Variants in BTRC observed in about 807,000 individuals in gnomAD.
BTRC encodes beta-transducin repeat containing E3 ubiquitin protein ligase, also known as F-box/WD repeat-containing protein 1A.
In BTRC, 42 loss-of-function variants were observed where a neutral mutation model predicts 85.5. The observed-to-expected ratio is 0.49, with a 90% CI of 0.38 to 0.64. The LOEUF is 0.64. Ranked by LOEUF, BTRC falls within the 30% of genes least tolerant of loss-of-function variation. The pLI is 0.00. For synonymous variants in BTRC, 255 were observed against 263.3 expected (o/e 0.97, Z 0.30); for missense variants, 594 against 743.5 (o/e 0.80, Z 2.34).
At chr10:101,356,790 G>A (rs1045126848) in intron 1 of BTRC, among the ~76,000 whole-genome samples, 1 of 152,096 alleles carries the variant, frequency 6.6e-6, no homozygotes, top group African/African-American at 2.4e-5. Context: ...TCCCTTTGGT[G>A]CCATTTACCC....
chr10:101,458,321 T>C (rs942559087), intron 2 of BTRC, among the ~76,000 whole-genome samples: 1 of 152,184 alleles, frequency 6.6e-6, no homozygotes, highest in African/African-American at 2.4e-5. Flanking sequence ...GCACAAATTA[T>C]TGAGCCAACA....
chr10:101,357,322 TC>T (rs1942066023), intron 1 of BTRC, among the ~76,000 whole-genome samples: 1 of 149,714 alleles, frequency 6.7e-6, no homozygotes, highest in South Asian at 2.1e-4. Flanking sequence ...GCACCTGTAG[TC>T]CCAGCTACTC....
chr10:101,556,944 C>G lies in BTRC; in HGVS notation c.*3821C>G, dbSNP rs569799336. The stretch of plus-strand genomic sequence containing the variant: ...TGTTACCTCCCCTCCTAACCCTTCC[C>G]CTTCTTGGACACTGAAGGAAAAGGC... On this transcript the variant is annotated 3_prime_UTR_variant, in exon 15 of 15. Coordinates refer to ENST00000370187, the MANE Select transcript of BTRC (RefSeq NM_033637.4). 3.3e-5 allele frequency: 5 copies of G among 152,230 alleles called. No individual in the cohort carries two copies. The highest frequency in any genetic ancestry group is 1.2e-4 in the African/African-American group (5 of 41,444). 9.4% of individuals were successfully genotyped at this position (152,230 alleles called of 1,614,324 possible). A position where few individuals can be genotyped will look rare whatever the true frequency, so the allele number is the denominator to read the frequency against.
chr10:101,379,675 A>G (rs996459952), intron 1 of BTRC, among the ~76,000 whole-genome samples: 3 of 151,960 alleles, frequency 2.0e-5, no homozygotes, highest in South Asian at 2.1e-4. Context: ...TTAAAGTGGC[A>G]CTCGTTTTTT....
chr10:101,521,754 C>T lies in BTRC; in HGVS notation c.440C>T (p.Ser147Leu). ...AAATACTTTGAGCAGTGGTCAGAGT[C>T]AGATCAAGTGGAATTTGTGGAACAT... Reference protein sequence around the residue: ...CVKYFEQWSESDQVEFVEHLI... With the variant: ...CVKYFEQWSELDQVEFVEHLI... The change falls in exon 5 of 15, where the codon TCA (serine) becomes TTA (leucine). Residue 147 changes from serine (S) to leucine (L), a missense_variant. Physicochemically the swap from Ser to Leu is moderately radical, Grantham distance 145. Around this residue, in one of 4 missense-constraint regions of BTRC, gnomAD observed 163 missense variants for 180.5 expected, o/e 0.90. Coordinates refer to ENST00000370187, the MANE Select transcript of BTRC (RefSeq NM_033637.4). 1 of 1,613,842 alleles carries T rather than the reference C, an allele frequency of 6.2e-7. No individual in the cohort carries two copies. Among genetic ancestry groups the T allele is most frequent in the East Asian group, 2.2e-5 (1 of 44,888 alleles).
At chr10:101,447,802 C>T (rs1049815596) in intron 2 of BTRC, among the ~76,000 whole-genome samples, 9 of 152,046 alleles carry the variant, frequency 5.9e-5, no homozygotes, top group Admixed American at 1.3e-4. Context: ...AGTGCTACAA[C>T]GATTATTAAA....
intron 3 of BTRC, among the ~76,000 whole-genome samples, chr10:101,469,171 C>A (rs181908605): frequency 4.6e-5 from 7 of 152,262 alleles, no homozygotes. Context: ...ACCTATCTTG[C>A]CTGTGGCTAT....
intron 9 of BTRC, 86 bp downstream of exon 9, chr10:101,533,156 G>A (rs1181722306): frequency 7.5e-6 from 7 of 931,362 alleles, no homozygotes; most frequent in Non-Finnish European, 9.9e-6. Context: ...GTATATATCG[G>A]CACAGTTCTG....
At chr10:101,361,011 G>A (rs1198124457) in intron 1 of BTRC, among the ~76,000 whole-genome samples, 1 of 151,764 alleles carries the variant, frequency 6.6e-6, no homozygotes, top group Non-Finnish European at 1.5e-5. Context: ...TTGCTGTGTT[G>A]CCCAGGCTGG....
At chr10:101,357,140 C>A (rs1233181779) in intron 1 of BTRC, among the ~76,000 whole-genome samples, 1 of 146,274 alleles carries the variant, frequency 6.8e-6, no homozygotes, top group Admixed American at 6.9e-5. Context: ...AAAAAACAAA[C>A]AAACAAAAAA....
intron 2 of BTRC, among the ~76,000 whole-genome samples, chr10:101,448,503 C>T (rs1245803163): frequency 6.6e-6 from 1 of 152,026 alleles, no homozygotes; most frequent in Non-Finnish European, 1.5e-5. Flanking sequence ...GTGTGTATAA[C>T]CTTTGACCCT....
intron 3 of BTRC, among the ~76,000 whole-genome samples, chr10:101,469,282 G>T (rs1945459948): frequency 6.6e-6 from 1 of 152,118 alleles, no homozygotes; most frequent in Admixed American, 6.5e-5. Flanking sequence ...AGTGGTAAAG[G>T]AACTATGACA....
At chr10:101,409,555 C>T (rs1009476791) in intron 1 of BTRC, among the ~76,000 whole-genome samples, 1 of 152,200 alleles carries the variant, frequency 6.6e-6, no homozygotes, top group Non-Finnish European at 1.5e-5. Context: ...GTATAGCCTA[C>T]TATATACCTG....
intron 1 of BTRC, among the ~76,000 whole-genome samples, chr10:101,403,982 CTA>C (rs1392975423): frequency 4.5e-5 from 5 of 112,270 alleles, no homozygotes. Context: ...TTAATCCTAT[CTA>C]TGTGTATGTG....
intron 13 of BTRC, among the ~76,000 whole-genome samples, chr10:101,547,813 A>C (rs1290563180): frequency 6.6e-6 from 1 of 152,196 alleles, no homozygotes; most frequent in Non-Finnish European, 1.5e-5. Flanking sequence ...ACTGTGACCA[A>C]GTGAGATTTA....
chr10:101,505,157 G>GTATATATATA (rs36139179), intron 4 of BTRC, among the ~76,000 whole-genome samples: 213 of 118,882 alleles, frequency 1.8e-3, no homozygotes, highest in Middle Eastern at 4.7e-3. Flanking sequence ...ATATGTATAT[G>GTATATATATA]TATATATATA....
rs1203664586 is a variant in BTRC, at chr10:101,549,769, A to G, written c.1657-930A>G. On this transcript the variant is annotated intron_variant, in intron 13 of 14. Coordinates refer to ENST00000370187, the MANE Select transcript of BTRC (RefSeq NM_033637.4). ...ATGATAAAATTGGAGTGGAGGTAAC[A>G]TTGTTTAGTAAGGGGTGTGAGATTG... 3.4e-5 allele frequency among the ~76,000 whole-genome samples: 5 copies of G among 147,004 alleles called. No individual in the cohort carries two copies. In the East Asian group the frequency reaches 6.3e-4, roughly 19 times the overall value.
chr10:101,510,489 G>A (rs1418649387), intron 4 of BTRC, among the ~76,000 whole-genome samples: 2 of 148,336 alleles, frequency 1.3e-5, no homozygotes, highest in Non-Finnish European at 3.0e-5. Flanking sequence ...CAACCTGAGC[G>A]ACAGATTGAG....
intron 4 of BTRC, among the ~76,000 whole-genome samples, chr10:101,491,959 AGTT>A (rs537978609): frequency 0.01 from 1,570 of 152,112 alleles, 7 homozygotes; most frequent in Non-Finnish European, 0.014. Flanking sequence ...GTGTATGTGT[AGTT>A]GTTGTTGTTT....
Sources: allele counts gnomAD v4.1 joint callset (sites outside exome capture counted in the v4.1 genomes callset), GRCh38; gene constraint gnomAD v4.1.1; regional missense constraint gnomAD v4.1.1; transcripts MANE v1.5; gene names NCBI Gene and HGNC (gene_info 2026-07-23, HGNC 2026-07-21).